The following ARHGAP20 variants were observed in gnomAD, a reference collection of about 807,000 sequenced individuals.
ARHGAP20 encodes the protein Rho GTPase activating protein 20, also known as rho GTPase-activating protein 20.
Under a neutral mutation model 73.7 loss-of-function variants are expected in ARHGAP20, and 34 were observed. The observed-to-expected ratio is 0.46, with a 90% CI of 0.35 to 0.61. The LOEUF is 0.61. Among genes scored for constraint, ARHGAP20 ranks in the 20% least tolerant of loss-of-function variants. The pLI is 0.00. For synonymous variants in ARHGAP20, 523 were observed against 518.2 expected, an observed-to-expected ratio of 1.01 and a Z score of -0.13; for missense variants, 1,314 against 1,420.9, an observed-to-expected ratio of 0.92 and a Z score of 1.21.
At chr11:110,650,442 T>A (rs918385358) in intron 2 of ARHGAP20, among the ~76,000 whole-genome samples, 1 of 152,138 alleles carries the variant, frequency 6.6e-6, no homozygotes, top group African/African-American at 2.4e-5. Context: ...AAAGGGAGGT[T>A]TTTCTTTCTT....
chr11:110,641,223 A>G (rs559551285), intron 2 of ARHGAP20, among the ~76,000 whole-genome samples: 3 of 152,202 alleles, frequency 2.0e-5, no homozygotes, highest in African/African-American at 7.2e-5. Flanking sequence ...ACAGAATAGA[A>G]AGATGAGAGA....
At chr11:110,648,609 C>T (rs748635569) in intron 2 of ARHGAP20, among the ~76,000 whole-genome samples, 6 of 151,470 alleles carry the variant, frequency 4.0e-5, no homozygotes, top group Non-Finnish European at 7.4e-5. Flanking sequence ...CTCAGCCTCC[C>T]GAGTAACTGG....
At chr11:110,689,860 CT>C (rs1215909476) in intron 2 of ARHGAP20, among the ~76,000 whole-genome samples, 1 of 152,026 alleles carries the variant, frequency 6.6e-6, no homozygotes, top group Non-Finnish European at 1.5e-5. Context: ...AAGCTGCGTA[CT>C]TGTCTTCTCA....
intron 1 of ARHGAP20, chr11:110,690,848 T>C (rs1181374292): frequency 3.2e-6 from 3 of 945,040 alleles, no homozygotes; most frequent in Non-Finnish European, 4.6e-6. Context: ...GCAATAAGTA[T>C]TTTTTGTGGT....
Position 110,577,471 on chromosome 11 carries a change from G to GAAAAAA in ARHGAP20, c.*1893_*1898dup, listed in dbSNP as rs35306856. On this transcript the variant is annotated 3_prime_UTR_variant, in exon 15 of 15. Transcript: ENST00000683387. ...TGAATGATTTTTTACCTGCTAACATGAAAAAAAAAAAAAAGGCAATTTCTT... is the reference window on the plus strand; with the variant it reads ...TGAATGATTTTTTACCTGCTAACATGAAAAAAAAAAAAAAAAAAAAGGCAATTTCTT... 1.4e-6 allele frequency: 1 copy of GAAAAAA among 692,002 alleles called. No homozygotes were observed. The highest frequency in any genetic ancestry group is 1.8e-6 in the Non-Finnish European group (1 of 562,832). 42.9% of individuals were successfully genotyped at this position (692,002 alleles called of 1,614,324 possible).
At chr11:110,598,971 C>G (rs571393266) in intron 9 of ARHGAP20, among the ~76,000 whole-genome samples, 5 of 152,168 alleles carry the variant, frequency 3.3e-5, no homozygotes, top group Admixed American at 3.3e-4. Context: ...CAGGTAGGAG[C>G]CTTGCCCTCC....
intron 8 of ARHGAP20, among the ~76,000 whole-genome samples, chr11:110,607,657 G>A (rs530036054): frequency 6.6e-6 from 1 of 152,192 alleles, no homozygotes; most frequent in South Asian, 2.1e-4. Context: ...AAGTACTACA[G>A]CAGCTTCCAG....
intron 1 of ARHGAP20, among the ~76,000 whole-genome samples, chr11:110,699,594 C>T (rs1950404346): frequency 6.6e-6 from 1 of 151,878 alleles, no homozygotes; most frequent in South Asian, 2.1e-4. Context: ...GTGTTAGGTG[C>T]ATATATATTT....
chr11:110,630,895 T>C lies in ARHGAP20; in HGVS notation c.189-103A>G, dbSNP rs542545383. On this transcript the variant is annotated intron_variant, in intron 2 of 14. Transcript: ENST00000683387. ...TTTTTAATACAATGGTATAGCATCC[T>C]AACTGGTCATGAGTCTATTCACCAC... The C allele has an allele frequency of 5.0e-6, 6 of 1,188,738 alleles. No homozygotes were observed. The East Asian group carries it at 9.5e-5, about 19-fold the overall frequency. The allele number at this position is 1,188,738 out of a possible 1,614,324, so 73.6% of individuals were successfully genotyped here. A position where few individuals can be genotyped will look rare whatever the true frequency, so the allele number is the denominator to read the frequency against.
chr11:110,621,074 C>CA (rs34424855), intron 4 of ARHGAP20, among the ~76,000 whole-genome samples: 28,636 of 47,112 alleles, frequency 0.61, 8,934 homozygotes, highest in South Asian at 0.7. Context: ...AACTCCATCT[C>CA]AAAAAAAAAA....
chr11:110,696,041 TTAAAC>T (rs1950329119), intron 1 of ARHGAP20, among the ~76,000 whole-genome samples: 1 of 151,490 alleles, frequency 6.6e-6, no homozygotes, highest in African/African-American at 2.4e-5. Context: ...CTTGAAAACA[TTAAAC>T]TAATTGAAAG....
At chr11:110,667,146 C>T (rs1194534103) in intron 2 of ARHGAP20, among the ~76,000 whole-genome samples, 2 of 152,160 alleles carry the variant, frequency 1.3e-5, no homozygotes, top group African/African-American at 4.8e-5. Flanking sequence ...AATGGCTACA[C>T]TAAACAACCA....
intron 4 of ARHGAP20, 42 bp downstream of exon 4, chr11:110,624,120 G>C: frequency 6.3e-7 from 1 of 1,578,606 alleles, no homozygotes; most frequent in East Asian, 2.3e-5. Flanking sequence ...AATTATCATA[G>C]TAGCTAACCC....
At chr11:110,627,710 G>A (rs1456001171) in intron 3 of ARHGAP20, among the ~76,000 whole-genome samples, 1 of 152,062 alleles carries the variant, frequency 6.6e-6, no homozygotes, top group African/African-American at 2.4e-5. Flanking sequence ...AATAGTGATG[G>A]CTTACGAGGG....
intron 3 of ARHGAP20, among the ~76,000 whole-genome samples, chr11:110,629,096 A>C (rs1314960848): frequency 1.3e-5 from 2 of 152,234 alleles, no homozygotes; most frequent in Non-Finnish European, 2.9e-5. Context: ...GCATGCTACA[A>C]GTAAATAGTC....
At chr11:110,654,161 T>C (rs1338265423) in intron 2 of ARHGAP20, among the ~76,000 whole-genome samples, 3 of 152,058 alleles carry the variant, frequency 2.0e-5, no homozygotes, top group Non-Finnish European at 4.4e-5. Flanking sequence ...CATTTACCTA[T>C]GTAACAAACC....
rs575065121 is a variant in ARHGAP20, at chr11:110,657,657, G to A, written c.189-26865C>T. Reference sequence around the variant, plus strand: ...GCCTGTAAATCCTAGCACTTTGGGAGGATGAGGTGGGCAGATCACCTTAGG... The same window carrying A: ...GCCTGTAAATCCTAGCACTTTGGGAAGATGAGGTGGGCAGATCACCTTAGG... On this transcript the variant is annotated intron_variant, in intron 2 of 14. Coordinates refer to ENST00000683387, the MANE Select transcript of ARHGAP20 (RefSeq NM_001384657.1). Among the ~76,000 whole-genome samples the A allele has an allele frequency of 9.9e-4, 151 of 152,176 alleles. 13 individuals are homozygous for A. The South Asian group carries it at 0.03, about 30-fold the overall frequency.
At chr11:110,674,495 C>T (rs565025917) in intron 2 of ARHGAP20, among the ~76,000 whole-genome samples, 1 of 152,100 alleles carries the variant, frequency 6.6e-6, no homozygotes, top group Admixed American at 6.5e-5. Context: ...CAAGTCACAG[C>T]CAAAATGCAG....
At chr11:110,695,988 A>G (rs1198640502) in intron 1 of ARHGAP20, among the ~76,000 whole-genome samples, 1 of 151,622 alleles carries the variant, frequency 6.6e-6, no homozygotes, top group African/African-American at 2.4e-5. Flanking sequence ...GCTTGGCAAC[A>G]AAAAGAAATG....
Sources: gnomAD v4.1 joint callset for allele counts (sites outside exome capture counted in the v4.1 genomes callset) on GRCh38, gnomAD v4.1.1 for gene constraint, MANE v1.5 for transcripts, NCBI Gene and HGNC (gene_info 2026-07-23, HGNC 2026-07-21) for gene names.